The following RP1L1 variants were observed in gnomAD, a reference collection of about 807,000 sequenced individuals.
The protein encoded by RP1L1 is RP1 like 1, also known as retinitis pigmentosa 1-like 1 protein.
In RP1L1, 27 loss-of-function variants were observed where a neutral mutation model predicts 15.7. That is an observed-to-expected ratio of 1.72 (90% CI 1.27 to 2.38). The LOEUF is 2.38. Ranked by LOEUF, RP1L1 falls within the 30% of genes most tolerant of loss-of-function variation. The pLI is 0.00. For synonymous variants in RP1L1, 1,813 were observed against 1,276.7 expected (o/e 1.42, Z -8.96); for missense variants, 4,798 against 3,075.9 (o/e 1.56, Z -13.24).
In RP1L1 at chr8:10,622,701, T is replaced by G. The variant is rs79329877; in HGVS notation, c.501A>C (p.Thr167=). The change falls in exon 2 of 4, where the codon ACA becomes ACC. Residue 167 remains threonine (T), a synonymous_variant. Transcript: ENST00000382483. ...IKNMDPRLQQ[T]VVLSHRNTRN... ...TAGTATTCCTGTGACTGAGAACCAC[T>G]GTCTGCTGGAGGCGAGGGTCCATGT... The G allele has an allele frequency of 6.2e-7, 1 of 1,614,146 alleles. No individual in the cohort carries two copies. Among genetic ancestry groups the G allele is most frequent in the Non-Finnish European group, 8.5e-7 (1 of 1,180,020 alleles).
intron 3 of RP1L1, among the ~76,000 whole-genome samples, chr8:10,614,751 G>A (rs1185257523): frequency 6.6e-6 from 1 of 151,438 alleles, no homozygotes; most frequent in Non-Finnish European, 1.5e-5. Flanking sequence ...AATGAATGAA[G>A]CCCCCAAGGG....
chr8:10,615,661 T>A (rs985630599), intron 3 of RP1L1, among the ~76,000 whole-genome samples: 7 of 152,110 alleles, frequency 4.6e-5, no homozygotes, highest in Non-Finnish European at 8.8e-5. Flanking sequence ...CCTGAGTAGC[T>A]GGGACCACGG....
rs1030415213 is a variant in RP1L1 at position 10,623,077 on chromosome 8, C to T, written c.125G>A (p.Gly42Glu). 5 of 1,614,020 alleles carry T rather than the reference C, an allele frequency of 3.1e-6. No individual in the cohort carries two copies. Among genetic ancestry groups the T allele is most frequent in the Non-Finnish European group, 4.2e-6 (5 of 1,180,004 alleles). ...PAKKITFLKRGDPRFAGVRLA... is the reference protein window; with the variant it reads ...PAKKITFLKREDPRFAGVRLA... Reference sequence around the variant, plus strand: ...GCGGACCCCAGCAAACCGTGGATCCCCTCGCTTGAGGAAGGTGATCTTCTT... The same window carrying T: ...GCGGACCCCAGCAAACCGTGGATCCTCTCGCTTGAGGAAGGTGATCTTCTT... The change falls in exon 2 of 4, where the codon GGG becomes GAG. Residue 42 changes from glycine to glutamate, a missense_variant. Physicochemically the swap from Gly to Glu is moderately conservative, Grantham distance 98 (BLOSUM62 -2). Transcript: ENST00000382483.
At chr8:10,620,779 T>C (rs1356383859) in intron 2 of RP1L1, among the ~76,000 whole-genome samples, 2 of 152,126 alleles carry the variant, frequency 1.3e-5, no homozygotes, top group Non-Finnish European at 2.9e-5. Flanking sequence ...TATTACACAA[T>C]GGGATAGGGA....
chr8:10,624,777 G>A (rs1290964018), intron 1 of RP1L1, among the ~76,000 whole-genome samples: 1 of 152,182 alleles, frequency 6.6e-6, no homozygotes, highest in Admixed American at 6.5e-5. Flanking sequence ...TTCAAAACCC[G>A]GCCTGGAAAA....
At chr8:10,619,285 T>A (rs1197195069) in intron 2 of RP1L1, among the ~76,000 whole-genome samples, 1 of 152,218 alleles carries the variant, frequency 6.6e-6, no homozygotes, top group African/African-American at 2.4e-5. Context: ...GCATGGAACG[T>A]GGCAGCGAAG....
chr8:10,612,495 A>G lies in RP1L1; in HGVS notation c.1603T>C (p.Ser535Pro), dbSNP rs988775533. 3 of 1,612,248 alleles carry G rather than the reference A, an allele frequency of 1.9e-6. No homozygotes were observed. The highest frequency in any genetic ancestry group is 2.5e-6 in the Non-Finnish European group (3 of 1,179,914). ...TCATGAGAGCCGGTGCTGGCTGACG[A>G]GTCCGAAGAAGCCCCCTCCTCACTC... ...ARSEEGASSDSSASTGSHEGS... is the reference protein window; with the variant it reads ...ARSEEGASSDPSASTGSHEGS... Residue 535 changes from serine to proline, a missense_variant, in exon 4 of 4, where the codon TCG (serine) becomes CCG (proline). Physicochemically the swap from Ser to Pro is moderately conservative, Grantham distance 74 (BLOSUM62 -1). Transcript: ENST00000382483.
At chr8:10,634,035 C>T (rs78729602) in intron 1 of RP1L1, among the ~76,000 whole-genome samples, 7,785 of 152,156 alleles carry the variant, frequency 0.051, 620 homozygotes, top group African/African-American at 0.17. Flanking sequence ...CAGCTGCAGG[C>T]CTGAGGCAGC....
intron 1 of RP1L1, among the ~76,000 whole-genome samples, chr8:10,639,512 A>G (rs1798378421): frequency 6.6e-6 from 1 of 152,136 alleles, no homozygotes; most frequent in Admixed American, 6.5e-5. Flanking sequence ...AGCTGGGACT[A>G]CAGGCGTGCA....
rs1260749096 is a variant in RP1L1 at position 10,622,825 on chromosome 8, G to A, written c.377C>T (p.Ala126Val). ...PGRPQERNPT[A>V]QQLRDVEGQR... is the part of the protein sequence containing the mutation. ...GCCTTCGACATCCCGCAACTGCTGA[G>A]CAGTGGGGTTTCTCTCCTGTGGCCG... The change falls in exon 2 of 4, where the codon GCT (alanine) becomes GTT (valine). Residue 126 changes from alanine (A) to valine (V), a missense_variant. Physicochemically the swap from Ala to Val is moderately conservative, Grantham distance 64. Transcript: ENST00000382483. 3 of 1,613,578 alleles carry A rather than the reference G, an allele frequency of 1.9e-6. No homozygotes were observed. The highest frequency in any genetic ancestry group is 1.7e-6 in the Non-Finnish European group (2 of 1,179,650).
In RP1L1 at chr8:10,610,389, G is replaced by C; in HGVS notation, c.3709C>G (p.Gln1237Glu). 6.2e-7 allele frequency: 1 copy of C among 1,614,088 alleles called. No individual in the cohort carries two copies. Among genetic ancestry groups the C allele is most frequent in the Non-Finnish European group, 8.5e-7 (1 of 1,180,038 alleles). The change falls in exon 4 of 4, where the codon CAG (glutamine) becomes GAG (glutamate). Residue 1237 changes from glutamine (Q) to glutamate (E), a missense_variant. Transcript: ENST00000382483. ...TCATAAGTTCTTGAATCAGGCCTCTGGTTGGAGGTTTTCAGGGGCAGCTCT... is the reference window on the plus strand; with the variant it reads ...TCATAAGTTCTTGAATCAGGCCTCTCGTTGGAGGTTTTCAGGGGCAGCTCT... ...GTELPLKTSN[Q>E]RPDSRTYESP...
At chr8:10,632,224 C>G (rs912912792) in intron 1 of RP1L1, among the ~76,000 whole-genome samples, 50 of 152,280 alleles carry the variant, frequency 3.3e-4, no homozygotes, top group African/African-American at 1.2e-3. Flanking sequence ...TGTGGGAAAT[C>G]CCCCATTTTC....
intron 2 of RP1L1, among the ~76,000 whole-genome samples, chr8:10,618,394 G>C (rs911233191): frequency 3.3e-5 from 5 of 152,200 alleles, no homozygotes; most frequent in African/African-American, 1.2e-4. Flanking sequence ...TGTAATCCTA[G>C]CTACTTGGGA....
At chr8:10,642,871 G>C (rs549632707) in intron 1 of RP1L1, among the ~76,000 whole-genome samples, 7 of 152,296 alleles carry the variant, frequency 4.6e-5, no homozygotes, top group African/African-American at 1.7e-4. Context: ...AGTTGAAAGA[G>C]AAGGAAGAGA....
intron 1 of RP1L1, among the ~76,000 whole-genome samples, chr8:10,653,412 T>C (rs551870670): frequency 7.2e-4 from 110 of 152,028 alleles, no homozygotes; most frequent in Admixed American, 4.3e-3. Flanking sequence ...CTACACTTCG[T>C]GACTGCAGGT....
chr8:10,652,098 G>GACA (rs1798571430), intron 1 of RP1L1, among the ~76,000 whole-genome samples: 1 of 152,152 alleles, frequency 6.6e-6, no homozygotes, highest in East Asian at 1.9e-4. Context: ...GTGTGTAGTA[G>GACA]ACAACACCAT....
In RP1L1 at chr8:10,610,244, G is replaced by T; in HGVS notation, c.3854C>A (p.Ala1285Glu). ...EAERDSEEQR[A>E]SSNLEQLAEN... is the part of the protein sequence containing the mutation. Reference sequence around the variant, plus strand: ...AGCTAACTGCTCCAGGTTCGAGCTCGCCCTCTGCTCCTCACTGTCTCTTTC... The same window carrying T: ...AGCTAACTGCTCCAGGTTCGAGCTCTCCCTCTGCTCCTCACTGTCTCTTTC... The change falls in exon 4 of 4, where the codon GCG (alanine) becomes GAG (glutamate). Residue 1285 changes from alanine to glutamate, a missense_variant. By Grantham distance (107) the Ala-to-Glu change is moderately radical. Coordinates refer to ENST00000382483, the MANE Select transcript of RP1L1 (RefSeq NM_178857.6). 1 of 1,613,550 alleles carries T rather than the reference G, an allele frequency of 6.2e-7. No homozygotes were observed. Among genetic ancestry groups the T allele is most frequent in the Non-Finnish European group, 8.5e-7 (1 of 1,179,946 alleles).
rs560860762 is a variant in RP1L1, at chr8:10,623,166, G to A, written c.36C>T (p.Ser12=). The A allele has an allele frequency of 1.3e-6, 2 of 1,585,246 alleles. No homozygotes were observed. Among genetic ancestry groups the A allele is most frequent in the South Asian group, 1.2e-5 (1 of 85,486 alleles). Residue 12 remains serine (S), a synonymous_variant, in exon 2 of 4, where the codon AGC becomes AGT. Coordinates refer to ENST00000382483, the MANE Select transcript of RP1L1 (RefSeq NM_178857.6). The part of the protein sequence containing the change: ...NSTPRNAQAP[S]HRECFLPSVA... ...CAGAGGGCAGGAAGCACTCACGGTG[G>A]CTCGGGGCCTGGGCATTCCTGGGGG...
chr8:10,649,450 C>A (rs575536503), intron 1 of RP1L1, among the ~76,000 whole-genome samples: 1 of 152,206 alleles, frequency 6.6e-6, no homozygotes, highest in Non-Finnish European at 1.5e-5. Flanking sequence ...CTGAGTCCCA[C>A]CCGCTGTGGT....
Sources: gnomAD v4.1 joint callset for allele counts (sites outside exome capture counted in the v4.1 genomes callset) on GRCh38, gnomAD v4.1.1 for gene constraint, MANE v1.5 for transcripts, NCBI Gene and HGNC (gene_info 2026-07-23, HGNC 2026-07-21) for gene names.